Variants in SDCCAG8 observed in about 807,000 individuals in gnomAD.
SDCCAG8 encodes the protein SHH signaling and ciliogenesis regulator SDCCAG8.
In SDCCAG8, 74 loss-of-function variants were observed where a neutral mutation model predicts 101.8. That is an observed-to-expected ratio of 0.73 (90% CI 0.60 to 0.88). SDCCAG8 has a LOEUF of 0.88. Ranked by LOEUF, SDCCAG8 falls within the 40% of genes least tolerant of loss-of-function variation. The probability of loss-of-function intolerance (pLI) is 0.00; values close to 1 mark genes in which losing one functional copy is unlikely to be tolerated. For synonymous variants in SDCCAG8, 281 were observed against 292.9 expected (o/e 0.96, Z 0.41); for missense variants, 787 against 822.6 (o/e 0.96, Z 0.53).
intron 9 of SDCCAG8, among the ~76,000 whole-genome samples, chr1:243,328,010 C>T (rs1389038284): frequency 1.3e-5 from 2 of 151,938 alleles, no homozygotes; most frequent in African/African-American, 4.8e-5. Flanking sequence ...TCACGCCATT[C>T]TCCTGCCTCA....
intron 4 of SDCCAG8, 90 bp from the exon 5 acceptor site, chr1:243,286,182 C>G: frequency 7.7e-7 from 1 of 1,296,140 alleles, no homozygotes; most frequent in Non-Finnish European, 1.1e-6. Context: ...ATAAGTCTTC[C>G]GTACTTTATA....
chr1:243,355,864 C>T (rs900364573), intron 12 of SDCCAG8, among the ~76,000 whole-genome samples: 1 of 152,170 alleles, frequency 6.6e-6, no homozygotes, highest in African/African-American at 2.4e-5. Flanking sequence ...TCCACCTCTG[C>T]CTTCCCAAGT....
At chr1:243,282,877 C>G (rs1052876921) in intron 4 of SDCCAG8, among the ~76,000 whole-genome samples, 1 of 152,076 alleles carries the variant, frequency 6.6e-6, no homozygotes, top group Non-Finnish European at 1.5e-5. Flanking sequence ...GACTGAGTCT[C>G]GCTCTATAGC....
intron 6 of SDCCAG8, among the ~76,000 whole-genome samples, chr1:243,301,506 T>C (rs1053288083): frequency 1.7e-4 from 26 of 152,206 alleles, no homozygotes; most frequent in Non-Finnish European, 3.4e-4. Flanking sequence ...TTGCTTGATA[T>C]GTTCCATAGA....
At chr1:243,336,206 T>A (rs1164758901) in intron 10 of SDCCAG8, among the ~76,000 whole-genome samples, 8 of 152,216 alleles carry the variant, frequency 5.3e-5, no homozygotes, top group Non-Finnish European at 8.8e-5. Context: ...TTGAGAAATT[T>A]CCAAACTGCT....
At chr1:243,498,229 A>G (rs1181580093) in intron 17 of SDCCAG8, among the ~76,000 whole-genome samples, 1 of 152,134 alleles carries the variant, frequency 6.6e-6, no homozygotes, top group Non-Finnish European at 1.5e-5. Flanking sequence ...TGCGTTTGAC[A>G]ATCAGATCGT....
At chr1:243,462,380 C>A (rs1659294981) in intron 16 of SDCCAG8, among the ~76,000 whole-genome samples, 1 of 152,216 alleles carries the variant, frequency 6.6e-6, no homozygotes, top group Non-Finnish European at 1.5e-5. Flanking sequence ...AAAGACATGA[C>A]AGAAAGCAAT....
intron 13 of SDCCAG8, among the ~76,000 whole-genome samples, chr1:243,391,831 G>C (rs2078719309): frequency 6.6e-6 from 1 of 152,228 alleles, no homozygotes; most frequent in Non-Finnish European, 1.5e-5. Flanking sequence ...GTGTGCAGGA[G>C]GTGGGGGTGG....
At chr1:243,261,434 C>T (rs946318093) in intron 1 of SDCCAG8, among the ~76,000 whole-genome samples, 1 of 152,210 alleles carries the variant, frequency 6.6e-6, no homozygotes, top group Non-Finnish European at 1.5e-5. Flanking sequence ...AATATATAAT[C>T]TCAGGGATGG....
At chr1:243,350,358 G>A (rs149986316) in intron 12 of SDCCAG8, among the ~76,000 whole-genome samples, 99 of 152,092 alleles carry the variant, frequency 6.5e-4, no homozygotes, top group Non-Finnish European at 1.1e-3. Context: ...ATGGGAGCAC[G>A]CCACCACCCC....
chr1:243,472,644 G>A (rs1330240554), intron 16 of SDCCAG8, among the ~76,000 whole-genome samples: 4 of 152,190 alleles, frequency 2.6e-5, no homozygotes, highest in African/African-American at 7.2e-5. Context: ...AAGGTACTTC[G>A]AGCAATGAAA....
At chr1:243,379,324 G>T (rs961452240) in intron 13 of SDCCAG8, among the ~76,000 whole-genome samples, 1 of 152,182 alleles carries the variant, frequency 6.6e-6, no homozygotes, top group African/African-American at 2.4e-5. Context: ...TCCTAAGGAG[G>T]TGTAAAATTT....
chr1:243,462,234 G>T (rs1659256916), intron 16 of SDCCAG8, among the ~76,000 whole-genome samples: 1 of 152,234 alleles, frequency 6.6e-6, no homozygotes, highest in Admixed American at 6.5e-5. Context: ...TCAACCAACT[G>T]CAGGAGCTGG....
intron 12 of SDCCAG8, among the ~76,000 whole-genome samples, chr1:243,376,283 C>T (rs1573655748): frequency 6.6e-6 from 1 of 152,286 alleles, no homozygotes; most frequent in South Asian, 2.1e-4. Context: ...ATTTAATCTT[C>T]ACAACAGCTT....
chr1:243,498,475 G>A lies in SDCCAG8; in HGVS notation c.2113-1281G>A, dbSNP rs535427561. ...ACGAGGAGGAGTGAGGCCTCCTGCC[G>A]GAGCCCCACCTGCATTCAGCCTGAG... On this transcript the variant is annotated intron_variant, in intron 17 of 17. Coordinates refer to ENST00000366541, the MANE Select transcript of SDCCAG8 (RefSeq NM_006642.5). Among the ~76,000 whole-genome samples the A allele has an allele frequency of 2.4e-4, 37 of 152,298 alleles. No individual in the cohort carries two copies. In the South Asian group the frequency reaches 7.2e-3, roughly 30 times the overall value.
intron 13 of SDCCAG8, 40 bp downstream of exon 13, chr1:243,378,903 A>G: frequency 4.3e-6 from 7 of 1,613,406 alleles, no homozygotes; most frequent in Non-Finnish European, 5.9e-6. Flanking sequence ...CACCGATTTC[A>G]TTCCACTGAT....
intron 15 of SDCCAG8, 152 bp downstream of exon 15, chr1:243,418,228 AT>A: frequency 3.1e-6 from 2 of 648,768 alleles, no homozygotes; most frequent in African/African-American, 1.8e-5. Flanking sequence ...ACATATGGAC[AT>A]TTTCTTAATT....
chr1:243,414,928 A>G (rs1420036073), intron 13 of SDCCAG8, among the ~76,000 whole-genome samples: 2 of 151,644 alleles, frequency 1.3e-5, no homozygotes, highest in Non-Finnish European at 2.9e-5. Context: ...GCCAGCATTG[A>G]GGTCCTTTGC....
At chr1:243,377,040 G>A (rs1281366033) in intron 12 of SDCCAG8, among the ~76,000 whole-genome samples, 3 of 151,952 alleles carry the variant, frequency 2.0e-5, no homozygotes, top group Non-Finnish European at 4.4e-5. Context: ...GGCTACTGAG[G>A]CATGAATTTT....
Sources: gnomAD v4.1 joint callset for allele counts (sites outside exome capture counted in the v4.1 genomes callset) on GRCh38, gnomAD v4.1.1 for gene constraint, MANE v1.5 for transcripts, NCBI Gene and HGNC (gene_info 2026-07-23, HGNC 2026-07-21) for gene names.